ZFAT: variants seen among roughly 807,000 people sequenced by gnomAD.
ZFAT encodes zinc finger and AT-hook domain containing.
Under a neutral mutation model 117.7 loss-of-function variants are expected in ZFAT, and 64 were observed. The ratio of observed to expected loss-of-function variants is 0.54; its 90% CI spans 0.44 to 0.67. ZFAT has a LOEUF of 0.67. Among genes scored for constraint, ZFAT ranks in the 30% least tolerant of loss-of-function variants. The pLI is 0.00. For missense variants in ZFAT, 1,433 were observed against 1,584.5 expected (o/e 0.90, Z 1.62); for synonymous variants, 679 against 615.0 (o/e 1.10, Z -1.54).
upstream of ZFAT, among the ~76,000 whole-genome samples, chr8:134,717,466 CTTTTTTTTTTTTTTTT>C (rs746460924): frequency 4.2e-3 from 82 of 19,360 alleles, 1 homozygote; most frequent in South Asian, 5.6e-3. Context: ...AATAACAACT[CTTTTTTTTTTTTTTTT>C]TTTTTTTTTT....
chr8:134,745,426 G>A, the ZFAT span, among the ~76,000 whole-genome samples: 1 of 152,286 alleles, frequency 6.6e-6, no homozygotes, highest in African/African-American at 2.4e-5. Context: ...TCTGCCCTGA[G>A]TCTACAGCTG....
intron 15 of ZFAT, among the ~76,000 whole-genome samples, chr8:134,498,124 G>C (rs372211089): frequency 1.7e-4 from 8 of 46,774 alleles, no homozygotes; most frequent in South Asian, 9.9e-4. Flanking sequence ...GTTACACACA[G>C]AGCCTGATTT....
At chr8:134,793,280 A>G in the ZFAT span, 2 of 152,246 alleles carry the variant, frequency 1.3e-5, no homozygotes, top group Admixed American at 6.5e-5. Context: ...GTTGATAGCA[A>G]TTTAGCACTA....
intron 3 of ZFAT, among the ~76,000 whole-genome samples, chr8:134,622,922 GGTCCCACA>G (rs1829233014): frequency 6.6e-6 from 1 of 151,848 alleles, no homozygotes; most frequent in Admixed American, 6.6e-5. Context: ...AGCTGCCCTC[GGTCCCACA>G]GGTACACCAT....
intron 1 of ZFAT, among the ~76,000 whole-genome samples, chr8:134,667,094 T>C (rs1041938459): frequency 3.3e-5 from 5 of 151,990 alleles, no homozygotes; most frequent in Non-Finnish European, 5.9e-5. Context: ...TGAGAACTCA[T>C]GGACATAGGG....
intron 13 of ZFAT, among the ~76,000 whole-genome samples, chr8:134,513,259 G>A (rs983796765): frequency 8.6e-5 from 13 of 150,958 alleles, no homozygotes; most frequent in Middle Eastern, 3.4e-3. Flanking sequence ...GCGCGGTGGC[G>A]CGATCTCAGC....
chr8:134,732,731 G>A, the ZFAT span, among the ~76,000 whole-genome samples: 170 of 152,272 alleles, frequency 1.1e-3, no homozygotes, highest in Admixed American at 3.0e-3. Context: ...CATACTTTAC[G>A]TTTCCAGCAA....
chr8:134,509,263 C>G (rs1819636420), intron 15 of ZFAT, among the ~76,000 whole-genome samples: 1 of 152,214 alleles, frequency 6.6e-6, no homozygotes, highest in Admixed American at 6.5e-5. Context: ...ATCCTACTAG[C>G]TCAATTTACT....
intron 1 of ZFAT, among the ~76,000 whole-genome samples, chr8:134,667,492 CAAA>C (rs34820180): frequency 1.6e-5 from 1 of 64,226 alleles, no homozygotes; most frequent in Non-Finnish European, 3.0e-5. Context: ...GACTAAGTCT[CAAA>C]AAAAAAAAAA....
intron 11 of ZFAT, among the ~76,000 whole-genome samples, chr8:134,551,869 C>T (rs189120998): frequency 2.6e-5 from 4 of 152,074 alleles, no homozygotes; most frequent in Non-Finnish European, 4.4e-5. Flanking sequence ...TAAAGGCCTT[C>T]AGGACTTATT....
At chr8:134,608,968 T>G in intron 4 of ZFAT, 89 bp from the exon 5 acceptor site, 1 of 1,448,854 alleles carries the variant, frequency 6.9e-7, no homozygotes, top group South Asian at 1.4e-5. Flanking sequence ...TGCTGGGAAG[T>G]CTATTTCTAT....
chr8:134,603,980 T>C (rs1232296409), intron 5 of ZFAT, among the ~76,000 whole-genome samples: 1 of 152,224 alleles, frequency 6.6e-6, no homozygotes, highest in African/African-American at 2.4e-5. Flanking sequence ...TTGTATTCCA[T>C]TTATTCATAA....
chr8:134,581,791 T>C (rs1186835311), intron 10 of ZFAT, among the ~76,000 whole-genome samples: 3 of 152,140 alleles, frequency 2.0e-5, no homozygotes, highest in Non-Finnish European at 4.4e-5. Flanking sequence ...TCACCATGTT[T>C]CCCAGGCTGG....
At chr8:134,770,635 T>C in the ZFAT span, among the ~76,000 whole-genome samples, 5 of 152,308 alleles carry the variant, frequency 3.3e-5, no homozygotes, top group African/African-American at 9.6e-5. Context: ...ATAACAGCAA[T>C]GTTTAGGAAA....
chr8:134,710,914 A>G (rs913740412), intron 1 of ZFAT, among the ~76,000 whole-genome samples: 1 of 152,224 alleles, frequency 6.6e-6, no homozygotes, highest in African/African-American at 2.4e-5. Flanking sequence ...TTATTTACAC[A>G]TAAGTCCTTA....
intron 3 of ZFAT, among the ~76,000 whole-genome samples, chr8:134,636,765 G>T (rs1237006996): frequency 1.3e-5 from 2 of 152,206 alleles, no homozygotes; most frequent in African/African-American, 4.8e-5. Context: ...CTCCGACGAA[G>T]GCCATCTGCA....
the ZFAT span, among the ~76,000 whole-genome samples, chr8:134,747,508 C>T: frequency 2.6e-5 from 4 of 152,190 alleles, no homozygotes; most frequent in Non-Finnish European, 5.9e-5. Flanking sequence ...AAGCATTTAA[C>T]ACTATTCTTT....
intron 13 of ZFAT, among the ~76,000 whole-genome samples, chr8:134,519,176 C>T (rs1423554561): frequency 6.6e-6 from 1 of 152,140 alleles, no homozygotes; most frequent in Non-Finnish European, 1.5e-5. Flanking sequence ...ATTTAGATTA[C>T]ATGTAATATG....
the ZFAT span, among the ~76,000 whole-genome samples, chr8:134,729,450 GC>G: frequency 2.0e-5 from 3 of 152,164 alleles, no homozygotes; most frequent in African/African-American, 7.2e-5. Context: ...TCCTGCCTCA[GC>G]CTCCCAAGTA....
Sources: gnomAD v4.1 joint callset for allele counts (sites outside exome capture counted in the v4.1 genomes callset) on GRCh38, gnomAD v4.1.1 for gene constraint, MANE v1.5 for transcripts, NCBI Gene and HGNC (gene_info 2026-07-23, HGNC 2026-07-21) for gene names.